The following RTN4 variants were observed in gnomAD, a reference collection of about 807,000 sequenced individuals.
RTN4 encodes reticulon-4.
In RTN4, 32 loss-of-function variants were observed where a neutral mutation model predicts 90.4. The observed-to-expected ratio is 0.35, with a 90% CI of 0.27 to 0.48. RTN4 has a LOEUF of 0.48. Ranked by LOEUF, RTN4 falls within the 20% of genes least tolerant of loss-of-function variation. RTN4 has a pLI of 0.99. For missense variants in RTN4, 1,706 were observed against 1,430.2 expected, an observed-to-expected ratio of 1.19 and a Z score of -3.11; for synonymous variants, 629 against 552.5, an observed-to-expected ratio of 1.14 and a Z score of -1.94.
chr2:55,086,724 C>A (rs892495228), intron 1 of RTN4, among the ~76,000 whole-genome samples: 10 of 151,968 alleles, frequency 6.6e-5, no homozygotes, highest in Non-Finnish European at 1.5e-4. Flanking sequence ...ATCTCAGAAG[C>A]CCTTTTGGGG....
At chr2:54,973,681 A>G (rs1392177061) in intron 7 of RTN4, 60 bp from the exon 8 acceptor site, 18 of 1,506,810 alleles carry the variant, frequency 1.2e-5, no homozygotes, top group Non-Finnish European at 1.6e-5. Flanking sequence ...AACCACTACT[A>G]TGTGTCAAGC....
intron 1 of RTN4, among the ~76,000 whole-genome samples, chr2:55,029,334 A>G (rs994616444): frequency 1.3e-5 from 2 of 152,176 alleles, no homozygotes; most frequent in African/African-American, 4.8e-5. Flanking sequence ...AAGCTAACTA[A>G]TACACTCTAT....
intron 3 of RTN4, among the ~76,000 whole-genome samples, chr2:55,018,498 G>C (rs1458653134): frequency 6.6e-6 from 1 of 151,614 alleles, no homozygotes; most frequent in Non-Finnish European, 1.5e-5. Context: ...TGCAGAGTAG[G>C]GATTTGCAAA....
At chr2:55,051,709 G>A (rs12477141), upstream of RTN4, among the ~76,000 whole-genome samples, 15,763 of 152,222 alleles carry the variant, frequency 0.1, 824 homozygotes, top group Middle Eastern at 0.15. Flanking sequence ...TAGCTAGGCT[G>A]AAATTAGATG....
chr2:55,070,703 T>C (rs947808309), intron 2 of RTN4, among the ~76,000 whole-genome samples: 8 of 152,114 alleles, frequency 5.3e-5, no homozygotes, highest in Non-Finnish European at 1.0e-4. Context: ...TATCTCAGCA[T>C]ATAAAAATCT....
chr2:54,982,651 G>T lies in RTN4; in HGVS notation c.3224C>A (p.Ala1075Glu). The T allele has an allele frequency of 6.2e-7, 1 of 1,602,896 alleles. No homozygotes were observed. The highest frequency in any genetic ancestry group is 8.5e-7 in the Non-Finnish European group (1 of 1,176,140). ...TATAGCAACTTCAGATTCCAGATATGCCCTAGAAAACAAAACACATCATAA... is the reference window on the plus strand; with the variant it reads ...TATAGCAACTTCAGATTCCAGATATTCCCTAGAAAACAAAACACATCATAA... ...QKSDEGHPFR[A>E]YLESEVAISE... The change falls in exon 5 of 9, where the codon GCA becomes GAA. Residue 1075 changes from alanine (A) to glutamate (E), a missense_variant and splice_region_variant. Ala to Glu is a moderately radical substitution (Grantham distance 107). Coordinates refer to ENST00000337526, the MANE Select transcript of RTN4 (RefSeq NM_020532.5).
intron 3 of RTN4, among the ~76,000 whole-genome samples, chr2:55,021,272 C>G (rs533797117): frequency 1.3e-5 from 2 of 152,200 alleles, no homozygotes; most frequent in East Asian, 3.9e-4. Context: ...CAGGTAAGTA[C>G]CTATCCTCAC....
At chr2:55,083,266 TG>T (rs1343815787) in intron 1 of RTN4, among the ~76,000 whole-genome samples, 3 of 152,016 alleles carry the variant, frequency 2.0e-5, no homozygotes, top group African/African-American at 7.2e-5. Context: ...AAGGCCAAGG[TG>T]GGAGGAACAC....
rs909414922 is a variant in RTN4 at position 54,972,752 on chromosome 2, A to T, written c.*404T>A. On this transcript the variant is annotated 3_prime_UTR_variant, in exon 9 of 9. Transcript: ENST00000337526. ...AAACATTTCATTTCAGAAAATCTGCATCAATCTACACGGACCATACACAGT... is the reference window on the plus strand; with the variant it reads ...AAACATTTCATTTCAGAAAATCTGCTTCAATCTACACGGACCATACACAGT... The T allele has an allele frequency of 1.2e-5, 2 of 160,002 alleles. No individual in the cohort carries two copies. The highest frequency in any genetic ancestry group is 4.9e-5 in the African/African-American group (2 of 41,208). The allele number at this position is 160,002 out of a possible 1,614,324, so 9.9% of individuals were successfully genotyped here. A position where few individuals can be genotyped will look rare whatever the true frequency, so the allele number is the denominator to read the frequency against.
chr2:55,130,895 G>C, the RTN4 span, among the ~76,000 whole-genome samples: 1 of 152,036 alleles, frequency 6.6e-6, no homozygotes, highest in Non-Finnish European at 1.5e-5. Context: ...AGAAAGATTA[G>C]AGCAACAAAA....
At chr2:55,054,167 T>C (rs1482042448), upstream of RTN4, among the ~76,000 whole-genome samples, 1 of 152,218 alleles carries the variant, frequency 6.6e-6, no homozygotes, top group Non-Finnish European at 1.5e-5. Context: ...CTCTTTTAAA[T>C]AGAAAGATTG....
chr2:54,998,898 C>G (rs977969795), intron 3 of RTN4, among the ~76,000 whole-genome samples: 2 of 152,082 alleles, frequency 1.3e-5, no homozygotes, highest in Non-Finnish European at 2.9e-5. Flanking sequence ...TTCTTGGTTC[C>G]TCAAGTCTCC....
At chr2:54,980,594 G>C (rs560285325) in intron 5 of RTN4, among the ~76,000 whole-genome samples, 11 of 152,168 alleles carry the variant, frequency 7.2e-5, no homozygotes, top group Non-Finnish European at 1.5e-4. Context: ...GACTTTTGGT[G>C]TATCTCTGTT....
chr2:54,993,495 A>C (rs1238372300), intron 3 of RTN4, among the ~76,000 whole-genome samples: 1 of 152,246 alleles, frequency 6.6e-6, no homozygotes, highest in Non-Finnish European at 1.5e-5. Flanking sequence ...CAGAATAGTC[A>C]TGTATAAGGC....
intron 2 of RTN4, among the ~76,000 whole-genome samples, chr2:55,056,968 G>C (rs1198777133): frequency 1.3e-5 from 2 of 152,170 alleles, no homozygotes; most frequent in African/African-American, 4.8e-5. Flanking sequence ...AATAAGGCTT[G>C]TTATCCAGAA....
intron 3 of RTN4, among the ~76,000 whole-genome samples, chr2:54,997,257 C>T (rs1346868863): frequency 6.6e-6 from 1 of 152,164 alleles, no homozygotes; most frequent in Non-Finnish European, 1.5e-5. Context: ...TGAAAAAATA[C>T]TCAACATCAT....
chr2:55,124,601 G>A, the RTN4 span, among the ~76,000 whole-genome samples: 10 of 152,188 alleles, frequency 6.6e-5, no homozygotes, highest in Non-Finnish European at 1.2e-4. Flanking sequence ...CCATGCTCAT[G>A]GATAGGAAGA....
intron 1 of RTN4, among the ~76,000 whole-genome samples, chr2:55,091,879 TA>T (rs1668943801): frequency 6.6e-6 from 1 of 151,674 alleles, no homozygotes; most frequent in Non-Finnish European, 1.5e-5. Context: ...AAACCCCTGA[TA>T]AATCCATCAG....
At chr2:54,981,449 A>T (rs1285281190) in intron 5 of RTN4, among the ~76,000 whole-genome samples, 1 of 152,218 alleles carries the variant, frequency 6.6e-6, no homozygotes, top group East Asian at 1.9e-4. Flanking sequence ...ATGAAAAATT[A>T]TGAGAATTAC....
Sources: gnomAD v4.1 joint callset for allele counts (sites outside exome capture counted in the v4.1 genomes callset) on GRCh38, gnomAD v4.1.1 for gene constraint, MANE v1.5 for transcripts, NCBI Gene and HGNC (gene_info 2026-07-23, HGNC 2026-07-21) for gene names.